The following MIX23 variants were observed in gnomAD, a reference collection of about 807,000 sequenced individuals.
MIX23 encodes protein MIX23.
MIX23 carries 13 observed loss-of-function variants against 21.6 expected under a neutral mutation model. The observed-to-expected ratio is 0.60, with a 90% CI of 0.39 to 0.96. The LOEUF (loss-of-function observed/expected upper bound fraction) is 0.96, where lower values mean the gene tolerates loss of function less well. Ranked by LOEUF, MIX23 falls within the 40% of genes least tolerant of loss-of-function variation. The pLI, the probability that MIX23 is intolerant of heterozygous loss-of-function variation, is 0.00. For missense variants in MIX23, 144 were observed against 171.2 expected, an observed-to-expected ratio of 0.84 and a Z score of 0.89; for synonymous variants, 59 against 58.0, an observed-to-expected ratio of 1.02 and a Z score of -0.08.
chr3:122,382,507 C>T (rs940009172), intron 1 of MIX23, among the ~76,000 whole-genome samples: 1 of 152,182 alleles, frequency 6.6e-6, no homozygotes, highest in Non-Finnish European at 1.5e-5. Flanking sequence ...AACTTTGTAA[C>T]TAAACAGAAG....
chr3:122,372,488 G>GAACAACAAC (rs912845080), intron 1 of MIX23, among the ~76,000 whole-genome samples: 4 of 151,752 alleles, frequency 2.6e-5, no homozygotes, highest in African/African-American at 9.7e-5. Flanking sequence ...ACAAGAACAA[G>GAACAACAAC]AACAACAACA....
rs114601422 is a variant in MIX23, at chr3:122,382,963, G to A, written c.51+211C>T. Among the ~76,000 whole-genome samples, 942 of 152,304 alleles carry A rather than the reference G, an allele frequency of 6.2e-3. 9 individuals carry two copies. Among genetic ancestry groups the A allele is most frequent in the African/African-American group, 0.022 (896 of 41,552 alleles). Reference sequence around the variant, plus strand: ...CCAGACAAGGCCGGAGAGCCGCGGAGAGAACTATGACCCCCCTCCTCCCTC... The same window carrying A: ...CCAGACAAGGCCGGAGAGCCGCGGAAAGAACTATGACCCCCCTCCTCCCTC... On this transcript the variant is annotated intron_variant, in intron 1 of 4. Transcript: ENST00000291458.
rs527562300 is a variant in MIX23, at chr3:122,359,830, T to TAAAAAA, written c.*33_*38dup. 1.8e-3 allele frequency: 1,817 copies of TAAAAAA among 1,006,728 alleles called. 29 individuals carry two copies. Among genetic ancestry groups the TAAAAAA allele is most frequent in the East Asian group, 3.0e-3 (64 of 21,214 alleles). 62.4% of individuals were successfully genotyped at this position (1,006,728 alleles called of 1,614,324 possible). Reference sequence around the variant, plus strand: ...AGCTCTTATGAGATGACCCAGTCCTTAAAAAAAAAAAAAAAAAAAAAAAAA... The same window carrying TAAAAAA: ...AGCTCTTATGAGATGACCCAGTCCTTAAAAAAAAAAAAAAAAAAAAAAAAAAAAAAA... On this transcript the variant is annotated 3_prime_UTR_variant, in exon 5 of 5. Coordinates refer to ENST00000291458, the MANE Select transcript of MIX23 (RefSeq NM_001017928.4).
intron 1 of MIX23, 78 bp downstream of exon 1, chr3:122,383,096 T>C: frequency 6.4e-7 from 1 of 1,556,326 alleles, no homozygotes; most frequent in Non-Finnish European, 8.9e-7. Flanking sequence ...AGCTGGTTCA[T>C]ACTCCCTCGC....
chr3:122,373,892 T>A (rs893186670), intron 1 of MIX23, among the ~76,000 whole-genome samples: 2 of 152,192 alleles, frequency 1.3e-5, no homozygotes, highest in Non-Finnish European at 2.9e-5. Context: ...TCTATTTTTT[T>A]AATAGTATTC....
chr3:122,370,735 A>G (rs1036345597), intron 2 of MIX23, among the ~76,000 whole-genome samples: 4 of 152,204 alleles, frequency 2.6e-5, no homozygotes, highest in African/African-American at 9.7e-5. Flanking sequence ...GTGAACTGTC[A>G]AACAACCTCA....
At chr3:122,381,728 TA>T (rs55955834) in intron 1 of MIX23, among the ~76,000 whole-genome samples, 31,799 of 130,414 alleles carry the variant, frequency 0.24, 3,775 homozygotes, top group African/African-American at 0.42. Flanking sequence ...AAAAAAAAAA[TA>T]AAAAAAAAAA....
intron 1 of MIX23, among the ~76,000 whole-genome samples, chr3:122,373,600 T>C (rs1178108781): frequency 2.6e-5 from 4 of 152,210 alleles, no homozygotes; most frequent in Admixed American, 2.0e-4. Context: ...TAGTTGCGTT[T>C]AAGTATTCTA....
intron 1 of MIX23, among the ~76,000 whole-genome samples, chr3:122,378,833 CATT>C (rs890948196): frequency 6.6e-6 from 1 of 152,150 alleles, no homozygotes; most frequent in African/African-American, 2.4e-5. Flanking sequence ...ACATGGCAGA[CATT>C]AGCCATGTGA....
intron 1 of MIX23, among the ~76,000 whole-genome samples, chr3:122,378,946 C>G (rs2075509324): frequency 6.6e-6 from 1 of 152,182 alleles, no homozygotes; most frequent in African/African-American, 2.4e-5. Flanking sequence ...TAGTGGCTAT[C>G]ATATGGAGAT....
chr3:122,382,595 T>C (rs183963852), intron 1 of MIX23, among the ~76,000 whole-genome samples: 1 of 152,212 alleles, frequency 6.6e-6, no homozygotes, highest in South Asian at 2.1e-4. Flanking sequence ...TGCATTCAGG[T>C]GTTAATAATT....
chr3:122,382,446 T>A (rs1388319578), intron 1 of MIX23, among the ~76,000 whole-genome samples: 1 of 152,224 alleles, frequency 6.6e-6, no homozygotes, highest in Admixed American at 6.5e-5. Flanking sequence ...TTTCAGTATC[T>A]TGGGTTAGTT....
At chr3:122,381,199 A>G (rs2075528451) in intron 1 of MIX23, among the ~76,000 whole-genome samples, 1 of 152,058 alleles carries the variant, frequency 6.6e-6, no homozygotes. Flanking sequence ...TCTACATTTT[A>G]TAGCCCTACT....
rs1553774685 is a variant in MIX23 at position 122,368,304 on chromosome 3, T to A, written c.196A>T (p.Ser66Cys). 1.3e-6 allele frequency: 2 copies of A among 1,592,246 alleles called. No homozygotes were observed. Among genetic ancestry groups the A allele is most frequent in the South Asian group, 2.3e-5 (2 of 87,104 alleles). The change falls in exon 3 of 5, where the codon AGT becomes TGT. Residue 66 changes from serine (S) to cysteine (C), a missense_variant. By Grantham distance (112) the Ser-to-Cys change is moderately radical (BLOSUM62 -1). Coordinates refer to ENST00000291458, the MANE Select transcript of MIX23 (RefSeq NM_001017928.4). Reference sequence around the variant, plus strand: ...CAGTTTTTTATGACTCTGTCTCTACTGGCATGAGCTGCCATCAACTAAAAG... The same window carrying A: ...CAGTTTTTTATGACTCTGTCTCTACAGGCATGAGCTGCCATCAACTAAAAG... ...LYESLMAAHA[S>C]RDRVIKNCIA...
rs572042662 is a variant in MIX23, at chr3:122,372,919, T to C, written c.52-1119A>G. The stretch of plus-strand genomic sequence containing the variant: ...TGAAAACATCCAAGTTAATATTCAA[T>C]ATTAATATGTATTAAAAGCAACGTT... On this transcript the variant is annotated intron_variant, in intron 1 of 4. Coordinates refer to ENST00000291458, the MANE Select transcript of MIX23 (RefSeq NM_001017928.4). 16 of 353,174 alleles carry C rather than the reference T, an allele frequency of 4.5e-5. No homozygotes were observed. In the East Asian group the frequency reaches 1.1e-3, roughly 24 times the overall value. 21.9% of individuals were successfully genotyped at this position (353,174 alleles called of 1,614,324 possible).
chr3:122,381,737 A>T (rs1045320527), intron 1 of MIX23, among the ~76,000 whole-genome samples: 4 of 151,938 alleles, frequency 2.6e-5, no homozygotes, highest in East Asian at 1.9e-4. Context: ...ATAAAAAAAA[A>T]AAAAAAAAGA....
intron 3 of MIX23, among the ~76,000 whole-genome samples, chr3:122,363,279 T>C (rs1161958851): frequency 1.3e-5 from 2 of 148,176 alleles, no homozygotes; most frequent in Non-Finnish European, 2.9e-5. Context: ...AAAAAAAAAA[T>C]ATCCCAAGGC....
At chr3:122,364,844 C>A (rs1369401072) in intron 3 of MIX23, among the ~76,000 whole-genome samples, 1 of 152,176 alleles carries the variant, frequency 6.6e-6, no homozygotes. Flanking sequence ...CCTCCCCGCA[C>A]ATGCCCCCCA....
intron 1 of MIX23, among the ~76,000 whole-genome samples, chr3:122,374,268 AAT>A (rs2075466295): frequency 2.0e-5 from 3 of 152,168 alleles, no homozygotes; most frequent in Non-Finnish European, 4.4e-5. Context: ...GTCTTTAAAT[AAT>A]GCAGCAGTAA....
Sources: gnomAD v4.1 joint callset for allele counts (sites outside exome capture counted in the v4.1 genomes callset) on GRCh38, gnomAD v4.1.1 for gene constraint, MANE v1.5 for transcripts, NCBI Gene and HGNC (gene_info 2026-07-23, HGNC 2026-07-21) for gene names.